The following GNA12 variants were observed in gnomAD, a reference collection of about 807,000 sequenced individuals.
GNA12 encodes the protein G protein subunit alpha 12, also known as guanine nucleotide-binding protein subunit alpha-12.
In GNA12, 9 loss-of-function variants were observed where a neutral mutation model predicts 26.0. The observed-to-expected ratio is 0.35, with a 90% CI of 0.21 to 0.60. The LOEUF (loss-of-function observed/expected upper bound fraction) is 0.60, where lower values mean the gene tolerates loss of function less well. Ranked by LOEUF, GNA12 falls within the 20% of genes least tolerant of loss-of-function variation. The pLI is 0.78. For missense variants in GNA12, 405 were observed against 525.8 expected (o/e 0.77, Z 2.25); for synonymous variants, 264 against 219.6 (o/e 1.20, Z -1.79).
chr7:2,768,304 A>C (rs114994062), intron 2 of GNA12, among the ~76,000 whole-genome samples: 1 of 152,238 alleles, frequency 6.6e-6, no homozygotes, highest in Non-Finnish European at 1.5e-5. Context: ...TGTAGTGACT[A>C]AGGAATTGCT....
At chr7:2,762,603 C>T (rs768747062) in intron 2 of GNA12, 1 of 1,522,444 alleles carries the variant, frequency 6.6e-7, no homozygotes, top group Non-Finnish European at 8.8e-7. Flanking sequence ...CAAAAAAGGA[C>T]AATCCCCTTC....
intron 2 of GNA12, among the ~76,000 whole-genome samples, chr7:2,772,420 CGTGGTGGTGG>C (rs1791971918): frequency 6.6e-6 from 1 of 152,020 alleles, no homozygotes; most frequent in South Asian, 2.1e-4. Flanking sequence ...ATTAGCCGGG[CGTGGTGGTGG>C]GCACCTGTAG....
rs533008689 is a variant in GNA12, at chr7:2,732,339, A to C, written c.577-589T>G. Among the ~76,000 whole-genome samples, 3 of 152,290 alleles carry C rather than the reference A, an allele frequency of 2.0e-5. No homozygotes were observed. In the East Asian group the frequency reaches 5.8e-4, roughly 29 times the overall value. ...AGTGGGAGGAATACCTTGAGCCCAG[A>C]AGTTCAAGAACAGCCTGGGCAACAT... On this transcript the variant is annotated intron_variant, in intron 3 of 3. Coordinates refer to ENST00000275364, the MANE Select transcript of GNA12 (RefSeq NM_007353.3).
At chr7:2,812,636 A>ACATC (rs1793107491) in intron 1 of GNA12, among the ~76,000 whole-genome samples, 1 of 134,094 alleles carries the variant, frequency 7.5e-6, no homozygotes, top group Admixed American at 7.8e-5. Flanking sequence ...TCTCAAAAAT[A>ACATC]ACATCACATC....
In GNA12 at chr7:2,814,338, G is replaced by C. The variant is rs368225550; in HGVS notation, c.310-19195C>G. 5.0e-6 allele frequency: 8 copies of C among 1,599,050 alleles called. No individual in the cohort carries two copies. In the African/African-American group the frequency reaches 1.1e-4, roughly 21 times the overall value. ...CTGGACCCAGGGTGTGCAATGAGTA[G>C]GTGCTCAAAACGGCAGCACTTTCGG... On this transcript the variant is annotated intron_variant, in intron 1 of 3. Transcript: ENST00000275364.
At chr7:2,811,745 T>C (rs1284510114) in intron 1 of GNA12, among the ~76,000 whole-genome samples, 1 of 152,210 alleles carries the variant, frequency 6.6e-6, no homozygotes, top group Admixed American at 6.5e-5. Context: ...TGCTGGTCTC[T>C]GATGTTGCCA....
chr7:2,828,118 T>G (rs1793525932), intron 1 of GNA12, among the ~76,000 whole-genome samples: 1 of 152,136 alleles, frequency 6.6e-6, no homozygotes, highest in Non-Finnish European at 1.5e-5. Flanking sequence ...TTGGCAGATA[T>G]TTACACATTC....
At chr7:2,829,835 T>G (rs1175414047) in intron 1 of GNA12, among the ~76,000 whole-genome samples, 1 of 152,218 alleles carries the variant, frequency 6.6e-6, no homozygotes, top group Admixed American at 6.5e-5. Context: ...TTCCTGATTC[T>G]GTTTCTACCT....
intron 2 of GNA12, among the ~76,000 whole-genome samples, chr7:2,735,628 A>T (rs1790131325): frequency 6.6e-6 from 1 of 152,202 alleles, no homozygotes; most frequent in African/African-American, 2.4e-5. Context: ...AACACAGCAA[A>T]CACTCACTGC....
chr7:2,792,497 A>C (rs530473118), intron 2 of GNA12, among the ~76,000 whole-genome samples: 1 of 152,294 alleles, frequency 6.6e-6, no homozygotes, highest in African/African-American at 2.4e-5. Flanking sequence ...CAGAAGCCTC[A>C]CTCAGTACGA....
intron 2 of GNA12, among the ~76,000 whole-genome samples, chr7:2,736,338 T>C (rs1027091989): frequency 2.0e-5 from 3 of 152,240 alleles, no homozygotes; most frequent in African/African-American, 7.2e-5. Flanking sequence ...GTGAAAAACC[T>C]ACACCACTCA....
At chr7:2,819,334 T>C (rs1477967586) in intron 1 of GNA12, among the ~76,000 whole-genome samples, 1 of 152,338 alleles carries the variant, frequency 6.6e-6, no homozygotes, top group South Asian at 2.1e-4. Flanking sequence ...GGAACCTTCC[T>C]GTTAGTCTCA....
chr7:2,744,616 C>A (rs1335632952), intron 2 of GNA12, among the ~76,000 whole-genome samples: 1 of 152,200 alleles, frequency 6.6e-6, no homozygotes, highest in South Asian at 2.1e-4. Context: ...GAGCACCTCT[C>A]CTCCTCCAAA....
At chr7:2,822,875 C>T (rs943123465) in intron 1 of GNA12, among the ~76,000 whole-genome samples, 23 of 152,262 alleles carry the variant, frequency 1.5e-4, no homozygotes, top group African/African-American at 5.5e-4. Flanking sequence ...AAACACTCAA[C>T]CCCCTCAGTC....
intron 2 of GNA12, among the ~76,000 whole-genome samples, chr7:2,787,373 T>C (rs559264857): frequency 3.9e-5 from 6 of 152,268 alleles, no homozygotes; most frequent in Admixed American, 3.9e-4. Context: ...CCTAAGTCCT[T>C]CCGGCAGCCC....
At chr7:2,823,160 C>A (rs1397364957) in intron 1 of GNA12, among the ~76,000 whole-genome samples, 1 of 152,186 alleles carries the variant, frequency 6.6e-6, no homozygotes, top group Non-Finnish European at 1.5e-5. Flanking sequence ...TGTTGGAGGG[C>A]CTTTTCCAGG....
chr7:2,754,295 A>T (rs554647766), intron 2 of GNA12, among the ~76,000 whole-genome samples: 2 of 152,018 alleles, frequency 1.3e-5, no homozygotes, highest in Non-Finnish European at 2.9e-5. Flanking sequence ...TGGTGAAATC[A>T]CTTCATATGT....
intron 1 of GNA12, among the ~76,000 whole-genome samples, chr7:2,798,790 A>T (rs1436527750): frequency 6.6e-6 from 1 of 152,248 alleles, no homozygotes; most frequent in Non-Finnish European, 1.5e-5. Flanking sequence ...GGTATTGGTG[A>T]GGTGACAGAC....
At position 2,729,156 on chromosome 7, in the gene GNA12, C is replaced by T. The variant is rs1424708144; in HGVS notation, c.*2025G>A. 1 of 152,422 alleles carries T rather than the reference C, an allele frequency of 6.6e-6. No individual in the cohort carries two copies. 9.4% of individuals were successfully genotyped at this position (152,422 alleles called of 1,614,324 possible). A position where few individuals can be genotyped will look rare whatever the true frequency, so the allele number is the denominator to read the frequency against. ...CCAACAGCGCCGCGAAGAGGCTCTC[C>T]CCGTTGGCGGAGGACCCGCTTGCAC... On this transcript the variant is annotated 3_prime_UTR_variant, in exon 4 of 4. Transcript: ENST00000275364.
Sources: allele counts gnomAD v4.1 joint callset (sites outside exome capture counted in the v4.1 genomes callset), GRCh38; gene constraint gnomAD v4.1.1; transcripts MANE v1.5; gene names NCBI Gene and HGNC (gene_info 2026-07-23, HGNC 2026-07-21).